RBBP7: variants seen among roughly 807,000 people sequenced by gnomAD.
RBBP7 encodes the protein RB binding protein 7, chromatin remodeling factor, also known as histone-binding protein RBBP7.
In RBBP7, 5 loss-of-function variants were observed where a neutral mutation model predicts 35.2. That is an observed-to-expected ratio of 0.14 (90% CI 0.07 to 0.30). The LOEUF (loss-of-function observed/expected upper bound fraction) is 0.30. RBBP7 is among the 10% of genes least tolerant of loss of function. The pLI, the probability that RBBP7 is intolerant of heterozygous loss-of-function variation, is 1.00. For missense variants in RBBP7, 155 were observed against 327.5 expected (o/e 0.47, Z 4.07); for synonymous variants, 140 against 118.7 (o/e 1.18, Z -1.17).
In RBBP7 at chrX:16,845,943, T is replaced by C. The variant is rs1342461249; in HGVS notation, c.1099-5A>G. ...AGTGTGTCCTCCATGAATAAACTGT[T>C]ACAAGAACAAAAAAAGCTTTGATTT... On this transcript the variant is annotated splice_region_variant and splice_polypyrimidine_tract_variant and intron_variant, in intron 10 of 11. Transcript: ENST00000380087. The C allele has an allele frequency of 8.3e-7, 1 of 1,201,278 alleles. No individual in the cohort carries two copies. Among genetic ancestry groups the C allele is most frequent in the Non-Finnish European group, 1.1e-6 (1 of 892,665 alleles).
At chrX:16,869,845 C>A (rs1930733164) in intron 1 of RBBP7, 193 bp downstream of exon 1, 1 of 873,259 alleles carries the variant, frequency 1.1e-6, no homozygotes, top group Non-Finnish European at 1.4e-6. Flanking sequence ...GCGCCCGGCT[C>A]CGGAAGTGCT....
intron 10 of RBBP7, chrX:16,846,997 G>A (rs923150194): frequency 9.0e-5 from 10 of 110,701 alleles, no homozygotes; most frequent in African/African-American, 3.3e-4. Context: ...GGCGTGGTGG[G>A]GTGTGCCCAT....
chrX:16,854,747 CAGAGCCCAAGCAGAGGCCAT>C (rs1450093594), intron 5 of RBBP7, among the ~76,000 whole-genome samples: 2 of 108,606 alleles, frequency 1.8e-5, no homozygotes, highest in Non-Finnish European at 3.8e-5. Context: ...GAAACGTCAG[CAGAGCCCAAGCAGAGGCCAT>C]GGGGCCTCTG....
At chrX:16,852,507 G>C (rs376349107) in intron 8 of RBBP7, 44 bp downstream of exon 8, 1 of 1,170,959 alleles carries the variant, frequency 8.5e-7, no homozygotes, top group Admixed American at 2.2e-5. Context: ...TGAATCCCTG[G>C]ATTTCATTTC....
rs1346020152 is a variant in RBBP7, at chrX:16,845,880, G to A, written c.1157C>T (p.Pro386Leu). The A allele has an allele frequency of 8.3e-7, 1 of 1,209,672 alleles. No individual in the cohort carries two copies. The highest frequency in any genetic ancestry group is 1.8e-5 in the African/African-American group (1 of 57,138). Residue 386 changes from proline (P) to leucine (L), a missense_variant, in exon 11 of 12, where the codon CCT becomes CTT. Pro to Leu is a moderately conservative substitution (Grantham distance 98, BLOSUM62 -3). This residue lies in a region of RBBP7 where 79 missense variants were observed against 220.8 expected (regional missense o/e 0.36). Coordinates refer to ENST00000380087, the MANE Select transcript of RBBP7 (RefSeq NM_002893.4). ...ISDFSWNPNE[P>L]WVICSVSEDN... ...CTCAGACACTGAGCAAATGACCCAAGGCTCATTGGGGTTCCAGCTAAAATC... is the reference window on the plus strand; with the variant it reads ...CTCAGACACTGAGCAAATGACCCAAAGCTCATTGGGGTTCCAGCTAAAATC...
chrX:16,863,760 G>A (rs1930529094), intron 2 of RBBP7, among the ~76,000 whole-genome samples: 1 of 112,220 alleles, frequency 8.9e-6, no homozygotes, highest in African/African-American at 3.2e-5. Context: ...CAATTTTACC[G>A]AGGTATCTTT....
intron 4 of RBBP7, 68 bp from the exon 5 acceptor site, chrX:16,857,777 C>T: frequency 8.7e-7 from 1 of 1,154,887 alleles, no homozygotes; most frequent in Non-Finnish European, 1.1e-6. Context: ...AATTCTCACT[C>T]CTTCATTGAG....
intron 3 of RBBP7, among the ~76,000 whole-genome samples, chrX:16,861,936 T>C (rs772408026): frequency 3.6e-5 from 4 of 111,966 alleles, no homozygotes; most frequent in African/African-American, 9.7e-5. Context: ...GATATCAAGA[T>C]TGATGACACG....
At chrX:16,869,724 G>A (rs1340670135) in intron 1 of RBBP7, 2 of 982,514 alleles carry the variant, frequency 2.0e-6, no homozygotes, top group South Asian at 4.3e-5. Flanking sequence ...AAAGAGCCGC[G>A]GCGCTCGCTT....
intron 11 of RBBP7, among the ~76,000 whole-genome samples, 196 bp downstream of exon 11, chrX:16,845,632 C>G (rs1269412804): frequency 8.9e-6 from 1 of 112,278 alleles, no homozygotes; most frequent in Non-Finnish European, 1.9e-5. Flanking sequence ...ACAGGTGCTA[C>G]AAATAGCAAA....
intron 9 of RBBP7, 84 bp from the exon 10 acceptor site, chrX:16,849,385 T>A: frequency 1.2e-6 from 1 of 866,525 alleles, no homozygotes; most frequent in Non-Finnish European, 1.6e-6. Flanking sequence ...GCCCAGAAAG[T>A]AATCTTAAAA....
In RBBP7 at chrX:16,844,533, T is replaced by G. The variant is rs1930017619; in HGVS notation, c.*502A>C. 1 of 111,510 alleles carries G rather than the reference T, an allele frequency of 9.0e-6. No individual in the cohort carries two copies. The highest frequency in any genetic ancestry group is 3.3e-5 in the African/African-American group (1 of 30,593). 9.2% of individuals were successfully genotyped at this position (111,510 alleles called of 1,213,427 possible). ...TGATAAACTTAACAGCTTCTGTGTA[T>G]TCTTTCATTATCCATGTGACCTTAA... On this transcript the variant is annotated 3_prime_UTR_variant, in exon 12 of 12. Coordinates refer to ENST00000380087, the MANE Select transcript of RBBP7 (RefSeq NM_002893.4).
chrX:16,850,041 A>C (rs1314655570), intron 9 of RBBP7, among the ~76,000 whole-genome samples: 1 of 111,913 alleles, frequency 8.9e-6, no homozygotes, highest in Non-Finnish European at 1.9e-5. Context: ...AGTAGTAACA[A>C]CTACTAAAAA....
chrX:16,851,136 A>C, intron 9 of RBBP7, among the ~76,000 whole-genome samples: 1 of 108,345 alleles, frequency 9.2e-6, no homozygotes, highest in Non-Finnish European at 1.9e-5. Flanking sequence ...AAAAAAAAAA[A>C]AGAAAAGAAA....
intron 2 of RBBP7, among the ~76,000 whole-genome samples, chrX:16,867,019 A>T (rs1018293785): frequency 1.1e-4 from 12 of 111,893 alleles, no homozygotes; most frequent in South Asian, 3.7e-4. Flanking sequence ...ACATTTTTTT[A>T]AAAAAAACTT....
intron 5 of RBBP7, among the ~76,000 whole-genome samples, chrX:16,855,211 A>G (rs1185214597): frequency 2.7e-5 from 3 of 110,668 alleles, no homozygotes; most frequent in Non-Finnish European, 5.7e-5. Context: ...CACCAAGCCC[A>G]GCTAATTTTT....
At chrX:16,853,437 G>A (rs1602417884) in intron 6 of RBBP7, 2 of 265,778 alleles carry the variant, frequency 7.5e-6, no homozygotes, top group East Asian at 1.2e-4. Flanking sequence ...TAGGACTACA[G>A]GTGCACACCA....
intron 1 of RBBP7, chrX:16,869,776 C>T: frequency 2.1e-6 from 2 of 945,526 alleles, no homozygotes; most frequent in Non-Finnish European, 2.6e-6. Flanking sequence ...CCGAGGGCGC[C>T]GGAGGGAGCG....
intron 3 of RBBP7, among the ~76,000 whole-genome samples, chrX:16,859,508 A>T (rs1930419485): frequency 1.8e-5 from 2 of 112,514 alleles, no homozygotes; most frequent in South Asian, 7.3e-4. Flanking sequence ...AGTCATATAA[A>T]AAGTACGGTA....
Sources: allele counts gnomAD v4.1 joint callset (sites outside exome capture counted in the v4.1 genomes callset), GRCh38; gene constraint gnomAD v4.1.1; regional missense constraint gnomAD v4.1.1; transcripts MANE v1.5; gene names NCBI Gene and HGNC (gene_info 2026-07-23, HGNC 2026-07-21).